NTM: variants seen among roughly 807,000 people sequenced by gnomAD.
The protein encoded by NTM is IgLON family member 2.
A neutral mutation model predicts 42.1 loss-of-function variants in NTM; 13 were observed. The ratio of observed to expected loss-of-function variants is 0.31; its 90% CI spans 0.20 to 0.49. NTM has a LOEUF of 0.49. Ranked by LOEUF, NTM falls within the 20% of genes least tolerant of loss-of-function variation. The pLI is 0.99. For missense variants in NTM, 373 were observed against 452.8 expected (o/e 0.82, Z 1.60); for synonymous variants, 187 against 179.2 (o/e 1.04, Z -0.35).
chr11:131,611,324 T>C (rs2061447436), intron 1 of NTM, among the ~76,000 whole-genome samples: 1 of 152,190 alleles, frequency 6.6e-6, no homozygotes, highest in African/African-American at 2.4e-5. Context: ...GAAACTCAAT[T>C]AGAACTTGAG....
chr11:132,030,561 G>A (rs1307250019), intron 2 of NTM, among the ~76,000 whole-genome samples: 1 of 152,222 alleles, frequency 6.6e-6, no homozygotes, highest in Non-Finnish European at 1.5e-5. Context: ...AGAGATAGAG[G>A]TGGTCTTGGA....
At chr11:131,459,627 GTTAC>G (rs1190195912) in intron 1 of NTM, among the ~76,000 whole-genome samples, 1 of 152,172 alleles carries the variant, frequency 6.6e-6, no homozygotes, top group Non-Finnish European at 1.5e-5. Flanking sequence ...TTTCTACCTA[GTTAC>G]TTGTGAAGAA....
At chr11:131,874,065 A>ATC (rs1555163018) in intron 1 of NTM, among the ~76,000 whole-genome samples, 1 of 60,196 alleles carries the variant, frequency 1.7e-5, no homozygotes, top group African/African-American at 4.3e-5. Flanking sequence ...ATATATATAT[A>ATC]TATCAGCAAC....
chr11:132,218,613 A>G (rs2084438205), intron 4 of NTM, among the ~76,000 whole-genome samples: 1 of 152,176 alleles, frequency 6.6e-6, no homozygotes. Context: ...CTGCTAGAGT[A>G]TCAGAATCCA....
intron 4 of NTM, among the ~76,000 whole-genome samples, chr11:132,294,362 T>C (rs1403321062): frequency 6.6e-6 from 1 of 152,124 alleles, no homozygotes; most frequent in Non-Finnish European, 1.5e-5. Flanking sequence ...CATGAGCTCC[T>C]GTCTGCTCTT....
At chr11:132,007,009 ACT>A (rs775631844) in intron 2 of NTM, among the ~76,000 whole-genome samples, 1 of 152,042 alleles carries the variant, frequency 6.6e-6, no homozygotes, top group Non-Finnish European at 1.5e-5. Context: ...CCTCCTGGGC[ACT>A]CTCTTTCCTC....
chr11:131,934,971 C>T (rs2059052721), intron 2 of NTM, among the ~76,000 whole-genome samples: 1 of 152,204 alleles, frequency 6.6e-6, no homozygotes, highest in African/African-American at 2.4e-5. Context: ...CAGGACGCTG[C>T]TGCCTGGCCT....
At chr11:131,637,881 G>A (rs188226327) in intron 1 of NTM, among the ~76,000 whole-genome samples, 2 of 152,170 alleles carry the variant, frequency 1.3e-5, no homozygotes, top group African/African-American at 4.8e-5. Flanking sequence ...TCTCAACAAT[G>A]GTAGAATTTT....
chr11:131,943,402 G>T (rs1202997398), intron 2 of NTM, among the ~76,000 whole-genome samples: 1 of 152,230 alleles, frequency 6.6e-6, no homozygotes, highest in African/African-American at 2.4e-5. Flanking sequence ...GCACCCAGTT[G>T]GGAGGGCCCA....
chr11:132,032,278 T>C (rs186460661), intron 2 of NTM, among the ~76,000 whole-genome samples: 1 of 152,296 alleles, frequency 6.6e-6, no homozygotes, highest in East Asian at 1.9e-4. Flanking sequence ...CTTTGTCTCC[T>C]TGTGCATGCT....
At chr11:131,595,703 A>G (rs2059758621) in intron 1 of NTM, among the ~76,000 whole-genome samples, 1 of 152,234 alleles carries the variant, frequency 6.6e-6, no homozygotes, top group South Asian at 2.1e-4. Flanking sequence ...TTTTGGGCTG[A>G]CAGTGAAGGC....
At chr11:131,555,907 G>A (rs1315408351) in intron 1 of NTM, among the ~76,000 whole-genome samples, 1 of 152,132 alleles carries the variant, frequency 6.6e-6, no homozygotes, top group Non-Finnish European at 1.5e-5. Context: ...CCCAGATATG[G>A]GCCCCATGGG....
intron 1 of NTM, among the ~76,000 whole-genome samples, chr11:131,873,612 C>T (rs190131010): frequency 6.2e-5 from 2 of 32,218 alleles, no homozygotes; most frequent in African/African-American, 1.6e-4. Flanking sequence ...ATATATATAC[C>T]GTATATATAT....
chr11:131,729,932 T>C (rs942327462), intron 1 of NTM, among the ~76,000 whole-genome samples: 17 of 152,300 alleles, frequency 1.1e-4, no homozygotes, highest in African/African-American at 3.8e-4. Context: ...TTTTGGATAA[T>C]GTTTTAATTT....
At chr11:131,472,215 C>T (rs986590522) in intron 1 of NTM, among the ~76,000 whole-genome samples, 2 of 152,090 alleles carry the variant, frequency 1.3e-5, no homozygotes, top group African/African-American at 4.8e-5. Context: ...GGAAGTCAGC[C>T]CTGCTTTGTT....
At chr11:132,260,300 A>G (rs956442332) in intron 4 of NTM, among the ~76,000 whole-genome samples, 7 of 152,134 alleles carry the variant, frequency 4.6e-5, no homozygotes, top group African/African-American at 1.7e-4. Flanking sequence ...AGAGAAATTA[A>G]GTGAATTTCT....
chr11:131,515,467 C>T (rs2048783681), intron 1 of NTM, among the ~76,000 whole-genome samples: 1 of 152,328 alleles, frequency 6.6e-6, no homozygotes, highest in African/African-American at 2.4e-5. Context: ...CCTCCCCCAG[C>T]ATGAACATGA....
chr11:131,983,532 C>T (rs1003400686), intron 2 of NTM, among the ~76,000 whole-genome samples: 9 of 151,988 alleles, frequency 5.9e-5, no homozygotes, highest in African/African-American at 2.2e-4. Flanking sequence ...TCTGCTACCA[C>T]ACCCAGCTAA....
At chr11:132,267,647 C>T (rs1404229272) in intron 4 of NTM, among the ~76,000 whole-genome samples, 1 of 151,982 alleles carries the variant, frequency 6.6e-6, no homozygotes, top group African/African-American at 2.4e-5. Flanking sequence ...AAAACCCTGT[C>T]TCTACTAAAA....
Sources: gnomAD v4.1 joint callset for allele counts (sites outside exome capture counted in the v4.1 genomes callset) on GRCh38, gnomAD v4.1.1 for gene constraint, MANE v1.5 for transcripts, NCBI Gene and HGNC (gene_info 2026-07-23, HGNC 2026-07-21) for gene names.